Variants in TAF4 observed in about 807,000 individuals in gnomAD.
The protein encoded by TAF4 is transcription initiation factor TFIID subunit 4.
TAF4 carries 9 observed loss-of-function variants against 90.3 expected under a neutral mutation model. The observed-to-expected ratio is 0.10, with a 90% confidence interval of 0.06 to 0.17. The LOEUF (loss-of-function observed/expected upper bound fraction) is 0.17. Ranked by LOEUF, TAF4 falls within the 10% of genes least tolerant of loss-of-function variation. The pLI, the probability that TAF4 is intolerant of heterozygous loss-of-function variation, is 1.00. For synonymous variants in TAF4, 818 were observed against 638.9 expected (o/e 1.28, Z -4.23); for missense variants, 1,351 against 1,370.7 (o/e 0.99, Z 0.23).
rs2056111134 is a variant in TAF4 at position 62,064,591 on chromosome 20, G to A, written c.1220C>T (p.Ala407Val). The A allele has an allele frequency of 1.4e-6, 2 of 1,469,794 alleles. No homozygotes were observed. The highest frequency in any genetic ancestry group is 1.5e-5 in the African/African-American group (1 of 68,380). The allele number at this position is 1,469,794 out of a possible 1,614,324, so 91.0% of individuals were successfully genotyped here. A position where few individuals can be genotyped will look rare whatever the true frequency, so the allele number is the denominator to read the frequency against. The stretch of plus-strand genomic sequence containing the variant: ...CGTCCGGGACAGGCTCTGGGTCACT[G>A]CGCCGGCCGCGCCTTTGGGCAGCCC... ...PTGLPKGAAG[A>V]VTQSLSRTPT... is the part of the protein sequence containing the mutation. Residue 407 changes from alanine to valine, a missense_variant, in exon 1 of 15, where the codon GCA (alanine) becomes GTA (valine). Around this residue, in one of 9 missense-constraint regions of TAF4, gnomAD observed 782 missense variants for 536.6 expected, o/e 1.46. Transcript: ENST00000252996.
chr20:62,046,275 T>C (rs1414577229), intron 1 of TAF4, among the ~76,000 whole-genome samples: 3 of 152,252 alleles, frequency 2.0e-5, no homozygotes, highest in Non-Finnish European at 4.4e-5. Context: ...AGTGTGCAAT[T>C]TGAAAAGTTT....
intron 1 of TAF4, among the ~76,000 whole-genome samples, chr20:62,025,845 G>A (rs28382036): frequency 1.0e-3 from 153 of 152,320 alleles, no homozygotes; most frequent in Middle Eastern, 6.8e-3. Context: ...GACAAGGGGC[G>A]TGGGAGGGAC....
chr20:62,036,023 C>CTT (rs574223714), intron 1 of TAF4, among the ~76,000 whole-genome samples: 2 of 134,108 alleles, frequency 1.5e-5, no homozygotes, highest in Non-Finnish European at 1.6e-5. Context: ...AATCAAATTT[C>CTT]TTTTTTTTTT....
intron 1 of TAF4, among the ~76,000 whole-genome samples, chr20:62,026,859 G>A (rs572458196): frequency 2.6e-5 from 4 of 152,338 alleles, no homozygotes; most frequent in African/African-American, 7.2e-5. Flanking sequence ...CTGCACAGCA[G>A]TCAGCCAACT....
intron 1 of TAF4, among the ~76,000 whole-genome samples, chr20:62,037,269 A>G (rs1293508831): frequency 1.3e-5 from 2 of 152,186 alleles, no homozygotes; most frequent in Non-Finnish European, 2.9e-5. Context: ...TGGCCAGTGC[A>G]ATGAGACAAG....
chr20:62,061,950 C>T (rs1490618210), intron 1 of TAF4, among the ~76,000 whole-genome samples: 1 of 152,208 alleles, frequency 6.6e-6, no homozygotes, highest in Non-Finnish European at 1.5e-5. Flanking sequence ...AAGGCTTAGC[C>T]TTAAAGACTT....
chr20:61,992,696 A>T (rs1335382714), intron 14 of TAF4, among the ~76,000 whole-genome samples: 4 of 152,202 alleles, frequency 2.6e-5, no homozygotes, highest in Non-Finnish European at 5.9e-5. Flanking sequence ...GTGGTCTTCA[A>T]ACGCCATTTC....
chr20:62,060,246 C>T (rs1395073566), intron 1 of TAF4, among the ~76,000 whole-genome samples: 2 of 152,228 alleles, frequency 1.3e-5, no homozygotes, highest in Non-Finnish European at 2.9e-5. Flanking sequence ...CAGAAGCAAG[C>T]GGGACACCCT....
intron 1 of TAF4, among the ~76,000 whole-genome samples, chr20:62,023,901 G>T (rs1439100883): frequency 6.6e-6 from 1 of 152,050 alleles, no homozygotes; most frequent in Non-Finnish European, 1.5e-5. Context: ...TGGGAAACAT[G>T]GTGAAGTCCC....
intron 14 of TAF4, among the ~76,000 whole-genome samples, chr20:61,989,216 T>C (rs1240138192): frequency 1.3e-5 from 2 of 152,064 alleles, no homozygotes; most frequent in East Asian, 1.9e-4. Context: ...CTCTGGCTGC[T>C]GGCACGGCCT....
At chr20:62,025,733 T>C (rs2055871006) in intron 1 of TAF4, among the ~76,000 whole-genome samples, 1 of 152,212 alleles carries the variant, frequency 6.6e-6, no homozygotes, top group South Asian at 2.1e-4. Context: ...GCCTTGGGTA[T>C]TTTTTTATAG....
rs1281658704 is a variant in TAF4, at chr20:62,010,089, T to C, written c.1718A>G (p.Gln573Arg). Residue 573 changes from glutamine to arginine, a missense_variant, in exon 4 of 15, where the codon CAG (glutamine) becomes CGG (arginine). This residue lies in a region of TAF4 where 143 missense variants were observed against 176.3 expected (regional missense o/e 0.81). Coordinates refer to ENST00000252996, the MANE Select transcript of TAF4 (RefSeq NM_003185.4). This position sits in a 1 kb window ranked among gnomAD's most constrained non-coding sequence, Gnocchi z 4.5. ...GGTGGTCGCCCCTGGTACCGTGCGC[T>C]GAGGAGTCCCCGTCTGAACAGCCGT... The part of the protein sequence containing the change: ...TATAVQTGTP[Q>R]RTVPGATTTS... 6.2e-7 allele frequency: 1 copy of C among 1,613,730 alleles called. No individual in the cohort carries two copies. The highest frequency in any genetic ancestry group is 8.5e-7 in the Non-Finnish European group (1 of 1,179,974).
chr20:62,024,183 G>T (rs1006536837), intron 1 of TAF4, among the ~76,000 whole-genome samples: 1 of 152,182 alleles, frequency 6.6e-6, no homozygotes, highest in African/African-American at 2.4e-5. Flanking sequence ...ATGGACAAAG[G>T]CAATTCAGTG....
chr20:62,065,192 A>G lies in TAF4; in HGVS notation c.619T>C (p.Ser207Pro). The change falls in exon 1 of 15, where the codon TCG (serine) becomes CCG (proline). Residue 207 changes from serine (S) to proline (P), a missense_variant. This residue lies in a region of TAF4 where 782 missense variants were observed against 536.6 expected (regional missense o/e 1.46). Coordinates refer to ENST00000252996, the MANE Select transcript of TAF4 (RefSeq NM_003185.4). ...TLNGSAALLNSHHAAAPAVSL... is the reference protein window; with the variant it reads ...TLNGSAALLNPHHAAAPAVSL... ...ACAGCAGGTGCGGCGGCGTGGTGCG[A>G]GTTCAGCAGCGCGGCGCTCCCATTC... 2 of 1,191,098 alleles carry G rather than the reference A, an allele frequency of 1.7e-6. No homozygotes were observed. Among genetic ancestry groups the G allele is most frequent in the Non-Finnish European group, 2.1e-6 (2 of 941,724 alleles). 73.8% of individuals were successfully genotyped at this position (1,191,098 alleles called of 1,614,324 possible).
chr20:61,995,305 G>T (rs980293860), intron 14 of TAF4, among the ~76,000 whole-genome samples: 1 of 152,094 alleles, frequency 6.6e-6, no homozygotes, highest in Admixed American at 6.5e-5. Context: ...AAGAATTAGG[G>T]GAAATATAAA....
intron 14 of TAF4, among the ~76,000 whole-genome samples, chr20:61,990,285 G>A (rs1006537066): frequency 3.9e-5 from 6 of 152,296 alleles, no homozygotes; most frequent in East Asian, 1.9e-4. Flanking sequence ...GAGTCTGCAC[G>A]GAGCTCCTTA....
chr20:62,012,526 G>C (rs2055785032), intron 3 of TAF4: 10 of 277,698 alleles, frequency 3.6e-5, no homozygotes, highest in Non-Finnish European at 6.6e-5. Flanking sequence ...TCAAGTACTA[G>C]TAAGGACATA....
At chr20:62,041,291 A>T (rs962135623) in intron 1 of TAF4, among the ~76,000 whole-genome samples, 7 of 152,206 alleles carry the variant, frequency 4.6e-5, no homozygotes, top group Admixed American at 4.6e-4. Flanking sequence ...TGTCCCCTCC[A>T]AGAATTTTTA....
chr20:62,038,182 T>C (rs1005664689), intron 1 of TAF4, among the ~76,000 whole-genome samples: 26 of 152,202 alleles, frequency 1.7e-4, no homozygotes, highest in Non-Finnish European at 2.9e-4. Flanking sequence ...AGCCCACCAC[T>C]ACGCCCGGCT....
Sources: allele counts gnomAD v4.1 joint callset (sites outside exome capture counted in the v4.1 genomes callset), GRCh38; gene constraint gnomAD v4.1.1; regional missense constraint gnomAD v4.1.1; non-coding constraint Gnocchi (gnomAD v3.1); transcripts MANE v1.5; gene names NCBI Gene and HGNC (gene_info 2026-07-23, HGNC 2026-07-21).